Variants in RYR2 observed in about 807,000 individuals in gnomAD.
The protein encoded by RYR2 is ryanodine receptor 2.
In RYR2, 227 loss-of-function variants were observed where a neutral mutation model predicts 601.1. The ratio of observed to expected loss-of-function variants is 0.38; its 90% CI spans 0.34 to 0.42. RYR2 has a LOEUF of 0.42. RYR2 is among the 10% of genes least tolerant of loss of function. The pLI, the probability that RYR2 is intolerant of heterozygous loss-of-function variation, is 1.00. For synonymous variants in RYR2, 2,223 were observed against 2,175.1 expected, an observed-to-expected ratio of 1.02 and a Z score of -0.61; for missense variants, 4,646 against 6,156.5, an observed-to-expected ratio of 0.75 and a Z score of 8.21.
intron 1 of RYR2, among the ~76,000 whole-genome samples, chr1:237,104,191 C>A (rs574870807): frequency 6.6e-6 from 1 of 152,128 alleles, no homozygotes; most frequent in Admixed American, 6.5e-5. Flanking sequence ...ATCCATGGAA[C>A]GTGCCTGTCT....
intron 66 of RYR2, among the ~76,000 whole-genome samples, chr1:237,703,132 T>G (rs1187294255): frequency 6.6e-6 from 1 of 152,028 alleles, no homozygotes; most frequent in East Asian, 1.9e-4. Flanking sequence ...CTTAGCTGTA[T>G]TCTTAGAATT....
At chr1:237,295,532 A>G (rs545129135) in intron 2 of RYR2, among the ~76,000 whole-genome samples, 1 of 152,346 alleles carries the variant, frequency 6.6e-6, no homozygotes, top group South Asian at 2.1e-4. Context: ...AATGTTGGCT[A>G]TCTGCATTTC....
intron 104 of RYR2, 148 bp downstream of exon 104, chr1:237,831,713 A>AATGAGT (rs1663811774): frequency 3.4e-6 from 2 of 581,330 alleles, no homozygotes; most frequent in Non-Finnish European, 6.0e-6. Flanking sequence ...TGTTATGTTG[A>AATGAGT]ATGAGTATGG....
At chr1:237,476,316 C>G (rs550450676) in intron 17 of RYR2, among the ~76,000 whole-genome samples, 10 of 152,002 alleles carry the variant, frequency 6.6e-5, no homozygotes. Context: ...TTGAAACCAG[C>G]CTGGCCAACA....
At chr1:237,138,337 T>C (rs1475158761) in intron 1 of RYR2, among the ~76,000 whole-genome samples, 1 of 152,138 alleles carries the variant, frequency 6.6e-6, no homozygotes, top group African/African-American at 2.4e-5. Context: ...CCATCCTGGA[T>C]ATATTTTAAA....
chr1:237,749,736 T>C lies in RYR2; in HGVS notation c.11146-6552T>C, dbSNP rs188816548. On this transcript the variant is annotated intron_variant, in intron 80 of 104. Transcript: ENST00000366574. ...CAATTTCGCAGTTTCTCTAATTGCA[T>C]AAGTATTGATGAAAGCATGCAAGTT... Among the ~76,000 whole-genome samples, 410 of 152,320 alleles carry C rather than the reference T, an allele frequency of 2.7e-3. 1 individual carries two copies. The highest frequency in any genetic ancestry group is 9.4e-3 in the African/African-American group (392 of 41,582).
At chr1:237,132,083 C>A (rs60571504) in intron 1 of RYR2, among the ~76,000 whole-genome samples, 2,865 of 152,232 alleles carry the variant, frequency 0.019, 98 homozygotes, top group East Asian at 0.12. Flanking sequence ...TCTGTGTAAC[C>A]AAAAGAATAT....
intron 89 of RYR2, among the ~76,000 whole-genome samples, chr1:237,783,416 TTTGA>T (rs764406308): frequency 4.9e-4 from 75 of 152,330 alleles, no homozygotes; most frequent in Non-Finnish European, 4.4e-4. Flanking sequence ...ATGTTGCTTC[TTTGA>T]TTGAGGGGAA....
chr1:237,210,806 C>G, intron 1 of RYR2, among the ~76,000 whole-genome samples: 1 of 152,170 alleles, frequency 6.6e-6, no homozygotes, highest in East Asian at 1.9e-4. Flanking sequence ...CTAGGGAAGG[C>G]AGCACTAGGA....
chr1:237,055,099 C>T (rs1661818208), intron 1 of RYR2, among the ~76,000 whole-genome samples: 1 of 152,124 alleles, frequency 6.6e-6, no homozygotes, highest in South Asian at 2.1e-4. Flanking sequence ...GTAAATGATC[C>T]CTCATTCACC....
At chr1:237,136,218 G>A (rs1386523034) in intron 1 of RYR2, among the ~76,000 whole-genome samples, 1 of 152,206 alleles carries the variant, frequency 6.6e-6, no homozygotes, top group Admixed American at 6.5e-5. Flanking sequence ...TACCTGCCCA[G>A]GATAGCATTG....
intron 8 of RYR2, among the ~76,000 whole-genome samples, chr1:237,384,726 A>G (rs1701828375): frequency 6.6e-6 from 1 of 152,186 alleles, no homozygotes; most frequent in South Asian, 2.1e-4. Flanking sequence ...ACACAGGCCA[A>G]GTGATCCTAC....
intron 48 of RYR2, among the ~76,000 whole-genome samples, chr1:237,645,923 C>A (rs1682083880): frequency 6.7e-6 from 1 of 149,230 alleles, no homozygotes; most frequent in Non-Finnish European, 1.5e-5. Context: ...GTCGCCCAGG[C>A]TGGAATGCAG....
At chr1:237,769,323 C>G (rs1264284789) in intron 84 of RYR2, among the ~76,000 whole-genome samples, 1 of 152,142 alleles carries the variant, frequency 6.6e-6, no homozygotes, top group Non-Finnish European at 1.5e-5. Flanking sequence ...AAAACATTCT[C>G]CCTTTCGTTT....
intron 58 of RYR2, among the ~76,000 whole-genome samples, chr1:237,671,520 CGTGTGTGT>C (rs368296995): frequency 7.1e-6 from 1 of 140,604 alleles, no homozygotes; most frequent in African/African-American, 2.7e-5. Flanking sequence ...TGTGTGTGTG[CGTGTGTGT>C]GTGTGTGTGT....
At chr1:237,264,185 C>T (rs1688811135) in intron 1 of RYR2, among the ~76,000 whole-genome samples, 1 of 152,172 alleles carries the variant, frequency 6.6e-6, no homozygotes, top group African/African-American at 2.4e-5. Context: ...CCCTCTTCCA[C>T]TGTCGCCACC....
intron 1 of RYR2, among the ~76,000 whole-genome samples, chr1:237,061,245 CTATCTATCATCT>C (rs1662807037): frequency 1.5e-5 from 2 of 134,042 alleles, no homozygotes; most frequent in Admixed American, 7.5e-5. Context: ...ATCTATCTAT[CTATCTATCATCT>C]ATCTATCTAT....
At chr1:237,402,806 GA>G (rs1703472323) in intron 10 of RYR2, among the ~76,000 whole-genome samples, 5 of 152,230 alleles carry the variant, frequency 3.3e-5, no homozygotes, top group Admixed American at 6.5e-5. Context: ...CTGAGACTCA[GA>G]GTCTTACTCT....
At chr1:237,617,111 T>C (rs944340284) in intron 37 of RYR2, among the ~76,000 whole-genome samples, 175 bp from the exon 38 acceptor site, 1 of 152,226 alleles carries the variant, frequency 6.6e-6, no homozygotes, top group Non-Finnish European at 1.5e-5. Flanking sequence ...TTTTTGCTTA[T>C]ACAAATTATG....
Sources: gnomAD v4.1 joint callset for allele counts (sites outside exome capture counted in the v4.1 genomes callset) on GRCh38, gnomAD v4.1.1 for gene constraint, MANE v1.5 for transcripts, NCBI Gene and HGNC (gene_info 2026-07-23, HGNC 2026-07-21) for gene names.